LRMDA: variants seen among roughly 807,000 people sequenced by gnomAD.
LRMDA encodes the protein leucine rich melanocyte differentiation associated.
A neutral mutation model predicts 29.8 loss-of-function variants in LRMDA; 18 were observed. The ratio of observed to expected loss-of-function variants is 0.60; its 90% CI spans 0.42 to 0.90. The LOEUF (loss-of-function observed/expected upper bound fraction) is 0.90, where lower values mean the gene tolerates loss of function less well. Ranked by LOEUF, LRMDA falls within the 40% of genes least tolerant of loss-of-function variation. The pLI is 0.00. For synonymous variants in LRMDA, 125 were observed against 109.4 expected (o/e 1.14, Z -0.89); for missense variants, 273 against 273.9 (o/e 1.00, Z 0.02).
intron 5 of LRMDA, among the ~76,000 whole-genome samples, chr10:76,137,732 A>G (rs1235808843): frequency 1.3e-5 from 2 of 150,878 alleles, no homozygotes; most frequent in Non-Finnish European, 2.9e-5. Context: ...AAATGCATTT[A>G]TTTTAAAACT....
intron 5 of LRMDA, among the ~76,000 whole-genome samples, chr10:76,134,287 T>A (rs998720229): frequency 1.3e-5 from 2 of 152,210 alleles, no homozygotes; most frequent in East Asian, 1.9e-4. Flanking sequence ...ATGGTGAGAC[T>A]TGGCGGTGAT....
At chr10:76,226,692 C>T (rs974185244) in intron 5 of LRMDA, among the ~76,000 whole-genome samples, 3 of 152,138 alleles carry the variant, frequency 2.0e-5, no homozygotes, top group African/African-American at 7.2e-5. Context: ...ACTTCCCTCC[C>T]TCAACATGTG....
At chr10:76,056,566 C>T (rs1848617890) in intron 4 of LRMDA, among the ~76,000 whole-genome samples, 1 of 152,238 alleles carries the variant, frequency 6.6e-6, no homozygotes, top group South Asian at 2.1e-4. Flanking sequence ...GGCCTCCCTG[C>T]TGTGCTCATC....
At chr10:76,058,808 C>A (rs1343709476) in intron 5 of LRMDA, 25 bp downstream of exon 5, 1 of 1,548,784 alleles carries the variant, frequency 6.5e-7, no homozygotes, top group Non-Finnish European at 8.9e-7. Context: ...TGCTGTTCTT[C>A]ACAAGGGATT....
intron 5 of LRMDA, among the ~76,000 whole-genome samples, chr10:76,130,093 C>G (rs1849959156): frequency 6.7e-6 from 1 of 148,294 alleles, no homozygotes; most frequent in Non-Finnish European, 1.5e-5. Flanking sequence ...TATCTGAACA[C>G]CAGTCACTGT....
intron 2 of LRMDA, among the ~76,000 whole-genome samples, chr10:75,706,417 A>T (rs566009562): frequency 3.9e-5 from 6 of 152,336 alleles, no homozygotes; most frequent in Admixed American, 2.0e-4. Context: ...AAAGTCTTAG[A>T]TAAGTTTCTC....
Position 75,714,379 on chromosome 10 carries a change from C to T in LRMDA, c.131+275885C>T, listed in dbSNP as rs187399911. Among the ~76,000 whole-genome samples the T allele has an allele frequency of 5.1e-3, 782 of 152,274 alleles. 10 individuals carry two copies. The highest frequency in any genetic ancestry group is 0.018 in the African/African-American group (747 of 41,552). On this transcript the variant is annotated intron_variant, in intron 2 of 6. Transcript: ENST00000611255. ...ATGCTACCCTCCTGTGCACATCCAG[C>T]GTCATTTGGGGATGATATGAGTTCA...
intron 2 of LRMDA, among the ~76,000 whole-genome samples, chr10:76,009,308 T>A (rs1847730934): frequency 6.6e-6 from 1 of 152,134 alleles, no homozygotes; most frequent in Non-Finnish European, 1.5e-5. Context: ...GCATCCCTCA[T>A]CAAATAGCAA....
chr10:76,525,890 C>A (rs1843170164), intron 6 of LRMDA, among the ~76,000 whole-genome samples: 1 of 152,132 alleles, frequency 6.6e-6, no homozygotes, highest in Admixed American at 6.5e-5. Flanking sequence ...CAGTACTCCC[C>A]AAATTCCTGT....
chr10:76,190,049 C>T (rs1409849444), intron 5 of LRMDA, among the ~76,000 whole-genome samples: 3 of 152,134 alleles, frequency 2.0e-5, no homozygotes, highest in African/African-American at 7.2e-5. Context: ...GCCTCGACCT[C>T]AAGGAAGAAG....
At chr10:75,447,525 C>CA (rs539449029) in intron 2 of LRMDA, among the ~76,000 whole-genome samples, 4 of 151,384 alleles carry the variant, frequency 2.6e-5, no homozygotes, top group African/African-American at 4.9e-5. Context: ...GACTCCATCT[C>CA]AAAAAAAAGA....
chr10:76,444,502 G>C (rs1842334105), intron 6 of LRMDA, among the ~76,000 whole-genome samples: 1 of 152,206 alleles, frequency 6.6e-6, no homozygotes, highest in Admixed American at 6.5e-5. Context: ...TTTTAAAAGT[G>C]CATCAGTAAC....
chr10:75,744,956 C>A (rs1047124129), intron 2 of LRMDA, among the ~76,000 whole-genome samples: 1 of 152,198 alleles, frequency 6.6e-6, no homozygotes, highest in Non-Finnish European at 1.5e-5. Context: ...TGCTGACATG[C>A]ACAGGCACAG....
At chr10:75,506,727 T>C (rs536927815) in intron 2 of LRMDA, among the ~76,000 whole-genome samples, 36 of 152,238 alleles carry the variant, frequency 2.4e-4, no homozygotes, top group Non-Finnish European at 4.6e-4. Context: ...GTGACCATGA[T>C]GATTGATTTC....
intron 2 of LRMDA, among the ~76,000 whole-genome samples, chr10:75,597,031 C>G (rs1213615852): frequency 1.3e-5 from 2 of 151,744 alleles, no homozygotes; most frequent in Non-Finnish European, 2.9e-5. Flanking sequence ...CCCTCTCCCC[C>G]TCTCCCTTTC....
At chr10:76,419,147 G>T (rs1234598642) in intron 6 of LRMDA, among the ~76,000 whole-genome samples, 3 of 151,930 alleles carry the variant, frequency 2.0e-5, no homozygotes, top group African/African-American at 7.2e-5. Context: ...ATATTCTATG[G>T]GTTTTCATAG....
intron 2 of LRMDA, among the ~76,000 whole-genome samples, chr10:75,770,780 C>T (rs1165911765): frequency 2.6e-5 from 4 of 152,084 alleles, no homozygotes; most frequent in South Asian, 2.1e-4. Flanking sequence ...TCTCCTTGCT[C>T]GGGTCTCATG....
intron 2 of LRMDA, among the ~76,000 whole-genome samples, chr10:75,646,394 C>T (rs1406498193): frequency 2.0e-5 from 3 of 152,178 alleles, no homozygotes; most frequent in East Asian, 3.9e-4. Flanking sequence ...CAAAAGTCAT[C>T]GTGAGCCGTG....
intron 5 of LRMDA, among the ~76,000 whole-genome samples, chr10:76,129,549 T>C (rs1483867866): frequency 1.3e-5 from 2 of 152,138 alleles, no homozygotes; most frequent in Non-Finnish European, 2.9e-5. Flanking sequence ...GATGTGCACA[T>C]GGCTAATGCT....
Sources: allele counts gnomAD v4.1 joint callset (sites outside exome capture counted in the v4.1 genomes callset), GRCh38; gene constraint gnomAD v4.1.1; transcripts MANE v1.5; gene names NCBI Gene and HGNC (gene_info 2026-07-23, HGNC 2026-07-21).